The following SLC9A2 variants were observed in gnomAD, a reference collection of about 807,000 sequenced individuals.
SLC9A2 encodes the protein sodium/hydrogen exchanger 2.
Under a neutral mutation model 71.7 loss-of-function variants are expected in SLC9A2, and 42 were observed. The observed-to-expected ratio is 0.59, with a 90% CI of 0.46 to 0.76. SLC9A2 has a LOEUF of 0.76. SLC9A2 is among the 30% of genes least tolerant of loss of function. The probability of loss-of-function intolerance (pLI) is 0.00; values close to 1 mark genes in which losing one functional copy is unlikely to be tolerated. For missense variants in SLC9A2, 829 were observed against 1,017.4 expected (o/e 0.81, Z 2.52); for synonymous variants, 396 against 392.5 (o/e 1.01, Z -0.10).
intron 2 of SLC9A2, among the ~76,000 whole-genome samples, chr2:102,662,854 T>C (rs1677073285): frequency 6.6e-6 from 1 of 151,698 alleles, no homozygotes; most frequent in Admixed American, 6.6e-5. Flanking sequence ...GTAGGTCTCG[T>C]AGTGGCTGCA....
Position 102,701,258 on chromosome 2 carries a change from T to C in SLC9A2, c.1748+27T>C, listed in dbSNP as rs752224452. The stretch of plus-strand genomic sequence containing the variant: ...TAAGTATGGTCTTGCAAATAAAAGT[T>C]AGTATTGTTAAATAGGCATTGATAG... On this transcript the variant is annotated intron_variant, in intron 8 of 11. Coordinates refer to ENST00000233969, the MANE Select transcript of SLC9A2 (RefSeq NM_003048.6). The C allele has an allele frequency of 2.6e-6, 4 of 1,521,762 alleles. No individual in the cohort carries two copies. The African/African-American group carries it at 5.6e-5, about 21-fold the overall frequency. The allele number at this position is 1,521,762 out of a possible 1,614,324, so 94.3% of individuals were successfully genotyped here. A position where few individuals can be genotyped will look rare whatever the true frequency, so the allele number is the denominator to read the frequency against.
chr2:102,668,490 T>C (rs1677186212), intron 3 of SLC9A2, among the ~76,000 whole-genome samples: 1 of 152,214 alleles, frequency 6.6e-6, no homozygotes, highest in Non-Finnish European at 1.5e-5. Context: ...GAACTAGTCA[T>C]TTTTCCTGGG....
chr2:102,672,016 G>A (rs1056004400), intron 3 of SLC9A2, among the ~76,000 whole-genome samples: 1 of 152,270 alleles, frequency 6.6e-6, no homozygotes, highest in East Asian at 1.9e-4. Flanking sequence ...GGCTGAGGTA[G>A]GAGAATTGCT....
At chr2:102,674,355 C>A (rs1402683748) in intron 3 of SLC9A2, among the ~76,000 whole-genome samples, 1 of 152,160 alleles carries the variant, frequency 6.6e-6, no homozygotes, top group Non-Finnish European at 1.5e-5. Flanking sequence ...ATTCTCTGGA[C>A]AGGGGAGGAC....
At chr2:102,622,890 G>C (rs1676169622) in intron 1 of SLC9A2, among the ~76,000 whole-genome samples, 1 of 152,108 alleles carries the variant, frequency 6.6e-6, no homozygotes, top group Non-Finnish European at 1.5e-5. Flanking sequence ...TTCCGCTTTG[G>C]CCTCAGCCTT....
chr2:102,622,081 C>T (rs751003379), intron 1 of SLC9A2, among the ~76,000 whole-genome samples: 3 of 152,282 alleles, frequency 2.0e-5, no homozygotes, highest in Non-Finnish European at 2.9e-5. Context: ...CTGGCTTTGA[C>T]GTGGTGCTAC....
chr2:102,688,956 C>A (rs1052265903), intron 5 of SLC9A2, among the ~76,000 whole-genome samples: 3 of 152,170 alleles, frequency 2.0e-5, no homozygotes, highest in Non-Finnish European at 4.4e-5. Flanking sequence ...CAAGAGATAG[C>A]AGCCTCTTTT....
intron 3 of SLC9A2, among the ~76,000 whole-genome samples, chr2:102,669,017 C>T (rs1439469758): frequency 1.3e-5 from 2 of 152,176 alleles, no homozygotes; most frequent in Admixed American, 1.3e-4. Flanking sequence ...TGCAAGGACG[C>T]TTTTAGAGGA....
chr2:102,665,512 C>CG (rs1677117508), intron 3 of SLC9A2, among the ~76,000 whole-genome samples, 162 bp downstream of exon 3: 1 of 152,002 alleles, frequency 6.6e-6, no homozygotes, highest in East Asian at 1.9e-4. Flanking sequence ...CAGTGGCTCA[C>CG]GCCTGTAATC....
At chr2:102,689,210 G>T (rs1170502813) in intron 5 of SLC9A2, among the ~76,000 whole-genome samples, 1 of 152,152 alleles carries the variant, frequency 6.6e-6, no homozygotes, top group Non-Finnish European at 1.5e-5. Context: ...GACCCGCGAT[G>T]GATGTCTGCC....
At chr2:102,691,015 A>G (rs1017558926) in intron 5 of SLC9A2, among the ~76,000 whole-genome samples, 9 of 150,966 alleles carry the variant, frequency 6.0e-5, no homozygotes, top group Admixed American at 1.3e-4. Context: ...TGACACTCAC[A>G]TCGCAGTTGT....
intron 2 of SLC9A2, among the ~76,000 whole-genome samples, chr2:102,659,924 G>T (rs4851628): frequency 0.35 from 53,031 of 151,764 alleles, 9,738 homozygotes; most frequent in East Asian, 0.52. Context: ...AGAAATAAAA[G>T]CTCCTGTTGC....
intron 1 of SLC9A2, among the ~76,000 whole-genome samples, chr2:102,622,390 T>G (rs1185245735): frequency 6.6e-6 from 1 of 152,236 alleles, no homozygotes; most frequent in Non-Finnish European, 1.5e-5. Context: ...TTTCCATTAC[T>G]GCTTCTCTGT....
intron 1 of SLC9A2, among the ~76,000 whole-genome samples, chr2:102,625,837 G>A (rs1466432929): frequency 2.6e-5 from 4 of 152,174 alleles, no homozygotes; most frequent in East Asian, 1.9e-4. Context: ...TATATACCCA[G>A]TAATGGGATG....
rs776748264 is a variant in SLC9A2, at chr2:102,708,147, T to G, written c.2097T>G (p.Asp699Glu). 2 of 1,613,764 alleles carry G rather than the reference T, an allele frequency of 1.2e-6. No homozygotes were observed. The highest frequency in any genetic ancestry group is 2.2e-5 in the South Asian group (2 of 91,048). Residue 699 changes from aspartate (D) to glutamate (E), a missense_variant, in exon 12 of 12, where the codon GAT (aspartate) becomes GAG (glutamate). Transcript: ENST00000233969. ...GCAATAGCAGCGACTCAGACGCAGA[T>G]GCCGGGACCACCGTGCTCAATTTGC... ...ADGNSSDSDA[D>E]AGTTVLNLQP...
chr2:102,687,356 C>A (rs1261166914), intron 5 of SLC9A2, among the ~76,000 whole-genome samples: 2 of 152,148 alleles, frequency 1.3e-5, no homozygotes, highest in Non-Finnish European at 2.9e-5. Context: ...GAAAAGATAT[C>A]TTTTCCAGAA....
At chr2:102,665,066 G>A in intron 2 of SLC9A2, 34 bp from the exon 3 acceptor site, 1 of 1,587,362 alleles carries the variant, frequency 6.3e-7, no homozygotes. Context: ...AAATGGGAAA[G>A]GGTCTTGACA....
chr2:102,668,362 G>A (rs989744842), intron 3 of SLC9A2, among the ~76,000 whole-genome samples: 3 of 116,646 alleles, frequency 2.6e-5, no homozygotes, highest in African/African-American at 3.3e-5. Context: ...TGCATGCCCC[G>A]CCCCTCTCTA....
At chr2:102,638,627 T>C (rs904484818) in intron 1 of SLC9A2, among the ~76,000 whole-genome samples, 59 of 152,220 alleles carry the variant, frequency 3.9e-4, no homozygotes, top group African/African-American at 1.3e-3. Context: ...GTGTTCCTTA[T>C]GCTCACTAAA....
Sources: gnomAD v4.1 joint callset for allele counts (sites outside exome capture counted in the v4.1 genomes callset) on GRCh38, gnomAD v4.1.1 for gene constraint, MANE v1.5 for transcripts, NCBI Gene and HGNC (gene_info 2026-07-23, HGNC 2026-07-21) for gene names.